Variants in PPP1R16A observed in about 807,000 individuals in gnomAD.
PPP1R16A encodes myosin phosphatase-targeting subunit 3.
PPP1R16A carries 39 observed loss-of-function variants against 46.6 expected under a neutral mutation model. The observed-to-expected ratio is 0.84, with a 90% CI of 0.65 to 1.09. The LOEUF is 1.09. Among genes scored for constraint, PPP1R16A ranks in the 50% least tolerant of loss-of-function variants. The probability of loss-of-function intolerance (pLI) is 0.00; values close to 1 mark genes in which losing one functional copy is unlikely to be tolerated. For synonymous variants in PPP1R16A, 413 were observed against 321.5 expected (o/e 1.28, Z -3.04); for missense variants, 798 against 735.6 (o/e 1.08, Z -0.98).
Position 144,500,366 on chromosome 8 carries a change from C to A in PPP1R16A, c.680C>A (p.Ala227Asp), listed in dbSNP as rs1335725094. The A allele has an allele frequency of 1.3e-6, 2 of 1,531,420 alleles. No homozygotes were observed. Among genetic ancestry groups the A allele is most frequent in the Admixed American group, 2.0e-5 (1 of 50,614 alleles). The allele number at this position is 1,531,420 out of a possible 1,614,324, so 94.9% of individuals were successfully genotyped here. A position where few individuals can be genotyped will look rare whatever the true frequency, so the allele number is the denominator to read the frequency against. ...SRLQAGADLH[A>D]PLDHGATLLH... ...CTGCAGGCCGGGGCAGACCTCCATG[C>A]CCCCCTGGACCACGGGGCCACGCTG... The change falls in exon 7 of 12, where the codon GCC becomes GAC. Residue 227 changes from alanine (A) to aspartate (D), a missense_variant. Coordinates refer to ENST00000435887, the MANE Select transcript of PPP1R16A (RefSeq NM_001329443.2).
chr8:144,500,811 G>A, intron 9 of PPP1R16A, 31 bp from the exon 10 acceptor site: 1 of 1,597,382 alleles, frequency 6.3e-7, no homozygotes, highest in African/African-American at 1.3e-5. Context: ...AGGCGGGGAG[G>A]GCGCCCCTGA....
rs189905671 is a variant in PPP1R16A at position 144,485,280 on chromosome 8, T to C, written c.-913-4754T>C. 2.7e-5 allele frequency among the ~76,000 whole-genome samples: 4 copies of C among 148,678 alleles called. No individual in the cohort carries two copies. In the East Asian group the frequency reaches 7.8e-4, roughly 29 times the overall value. On this transcript the variant is annotated intron_variant, in intron 1 of 11. Coordinates refer to ENST00000435887, the MANE Select transcript of PPP1R16A (RefSeq NM_001329443.2). ...GCTCATGCCTGTAATTCTAGCACTT[T>C]GGGAGGCCAAGGTGGGTGGATCACT...
intron 8 of PPP1R16A, 35 bp from the exon 9 acceptor site, chr8:144,500,651 C>T (rs767271817): frequency 6.2e-7 from 1 of 1,606,332 alleles, no homozygotes; most frequent in South Asian, 1.1e-5. Flanking sequence ...GGGCTTCCAG[C>T]GCAGCAGTCT....
chr8:144,499,977 A>C lies in PPP1R16A; in HGVS notation c.477-119A>C. ...CTGCCTCTCCCAGCAGCAGGTGGAC[A>C]GGGTGCCTCCTGAGGGGCAGCCCTG... On this transcript the variant is annotated intron_variant, in intron 5 of 11. Coordinates refer to ENST00000435887, the MANE Select transcript of PPP1R16A (RefSeq NM_001329443.2). 9 of 967,138 alleles carry C rather than the reference A, an allele frequency of 9.3e-6. No individual in the cohort carries two copies. The South Asian group carries it at 1.4e-4, about 15-fold the overall frequency. 59.9% of individuals were successfully genotyped at this position (967,138 alleles called of 1,614,324 possible). A position where few individuals can be genotyped will look rare whatever the true frequency, so the allele number is the denominator to read the frequency against.
chr8:144,492,239 C>T (rs2086362), intron 2 of PPP1R16A, among the ~76,000 whole-genome samples: 89,907 of 152,134 alleles, frequency 0.59, 29,215 homozygotes, highest in African/African-American at 0.86. Flanking sequence ...GGCTCACTTC[C>T]CTCTGGCTCC....
Position 144,496,934 on chromosome 8 carries a change from G to C in PPP1R16A, c.-261G>C. Reference sequence around the variant, plus strand: ...AGAGGGAGGCGAGGCGCTGCTTGTCGACAGCTAGAGGCTGGCCTGGGGAGC... The same window carrying C: ...AGAGGGAGGCGAGGCGCTGCTTGTCCACAGCTAGAGGCTGGCCTGGGGAGC... On this transcript the variant is annotated 5_prime_UTR_variant, in exon 3 of 12. Coordinates refer to ENST00000435887, the MANE Select transcript of PPP1R16A (RefSeq NM_001329443.2). The C allele has an allele frequency of 1.0e-5, 6 of 577,134 alleles. No homozygotes were observed. The South Asian group carries it at 1.2e-4, about 12-fold the overall frequency. The allele number at this position is 577,134 out of a possible 1,614,324, so 35.8% of individuals were successfully genotyped here.
intron 5 of PPP1R16A, chr8:144,499,281 C>G (rs1826270524): frequency 3.3e-6 from 2 of 606,098 alleles, no homozygotes; most frequent in South Asian, 2.6e-5. Flanking sequence ...AGCATTCGTC[C>G]TCCTGCCGAG....
At chr8:144,487,142 C>T (rs1482064000) in intron 1 of PPP1R16A, among the ~76,000 whole-genome samples, 1 of 151,974 alleles carries the variant, frequency 6.6e-6, no homozygotes, top group African/African-American at 2.4e-5. Context: ...TGTGTGGCAC[C>T]ACAACCGGCT....
In PPP1R16A at chr8:144,486,577, G is replaced by A. The variant is rs117578170; in HGVS notation, c.-913-3457G>A. 1.4e-3 allele frequency among the ~76,000 whole-genome samples: 208 copies of A among 152,278 alleles called. 2 individuals are homozygous for A. The East Asian group carries it at 0.037, about 27-fold the overall frequency. ...TTCGTGGGCAGCGGTATCTCGCTGT[G>A]GCTCTAATTTGCATTTTACGAATGG... On this transcript the variant is annotated intron_variant, in intron 1 of 11. Coordinates refer to ENST00000435887, the MANE Select transcript of PPP1R16A (RefSeq NM_001329443.2).
At chr8:144,488,687 G>T (rs973090813) in intron 1 of PPP1R16A, among the ~76,000 whole-genome samples, 2 of 152,148 alleles carry the variant, frequency 1.3e-5, no homozygotes, top group African/African-American at 4.8e-5. Flanking sequence ...GCAACGATGG[G>T]CGGGGGTGAA....
At position 144,497,131 on chromosome 8, in the gene PPP1R16A, A is replaced by T; in HGVS notation, c.-64A>T. On this transcript the variant is annotated 5_prime_UTR_variant, in exon 3 of 12. Transcript: ENST00000435887. ...GCTAGCTGCCCCACCCCTCAGGCCCAGCCTGGCCCCCAAGCTCCCCACTCT... is the reference window on the plus strand; with the variant it reads ...GCTAGCTGCCCCACCCCTCAGGCCCTGCCTGGCCCCCAAGCTCCCCACTCT... 6.5e-7 allele frequency: 1 copy of T among 1,534,690 alleles called. No homozygotes were observed. The highest frequency in any genetic ancestry group is 2.4e-5 in the East Asian group (1 of 40,838).
intron 2 of PPP1R16A, among the ~76,000 whole-genome samples, chr8:144,494,731 C>G (rs1825974123): frequency 6.6e-6 from 1 of 152,168 alleles, no homozygotes. Flanking sequence ...GGTGGGTTCT[C>G]TGGCAGGTCC....
chr8:144,487,500 G>A lies in PPP1R16A; in HGVS notation c.-913-2534G>A, dbSNP rs148290241. ...TCTTCCCACCTCAGCCTCCCAAGTA[G>A]CTGGAACTGCAGGGGTGCACCACCA... On this transcript the variant is annotated intron_variant, in intron 1 of 11. Transcript: ENST00000435887. 3.6e-3 allele frequency among the ~76,000 whole-genome samples: 545 copies of A among 152,274 alleles called. 2 individuals carry two copies. The highest frequency in any genetic ancestry group is 6.7e-3 in the African/African-American group (279 of 41,548).
Position 144,498,855 on chromosome 8 carries a change from G to A in PPP1R16A, c.330+15G>A. On this transcript the variant is annotated intron_variant, in intron 4 of 11. Transcript: ENST00000435887. ...CCCTGCACCAGGTCAGCCTGCACTG[G>A]GTGTGGGCAGGGTGGGGGCTGGCCC... 2 of 1,612,052 alleles carry A rather than the reference G, an allele frequency of 1.2e-6. No homozygotes were observed. The highest frequency in any genetic ancestry group is 1.7e-6 in the Non-Finnish European group (2 of 1,179,262).
chr8:144,491,865 G>A (rs528363104), intron 2 of PPP1R16A, among the ~76,000 whole-genome samples: 5 of 152,198 alleles, frequency 3.3e-5, no homozygotes, highest in South Asian at 2.1e-4. Flanking sequence ...TTGGGAGGTC[G>A]AGGCTACAGC....
intron 1 of PPP1R16A, among the ~76,000 whole-genome samples, chr8:144,484,158 C>T (rs759025136): frequency 6.6e-6 from 1 of 152,276 alleles, no homozygotes; most frequent in African/African-American, 2.4e-5. Context: ...GCCACTGGCA[C>T]GTCTGTCCGC....
rs1191570950 is a variant in PPP1R16A, at chr8:144,499,688, T to C, written c.477-408T>C. 16 of 218,510 alleles carry C rather than the reference T, an allele frequency of 7.3e-5. No individual in the cohort carries two copies. The East Asian group carries it at 1.8e-3, about 24-fold the overall frequency. The allele number at this position is 218,510 out of a possible 1,614,324, so 13.5% of individuals were successfully genotyped here. A position where few individuals can be genotyped will look rare whatever the true frequency, so the allele number is the denominator to read the frequency against. On this transcript the variant is annotated intron_variant, in intron 5 of 11. Transcript: ENST00000435887. The stretch of plus-strand genomic sequence containing the variant: ...TCCACTGCACACAGACACCCCCTTC[T>C]GTGTTCTGGGCTCCCCTTCACCGCC...
At chr8:144,494,390 G>T (rs1466006717) in intron 2 of PPP1R16A, among the ~76,000 whole-genome samples, 1 of 152,046 alleles carries the variant, frequency 6.6e-6, no homozygotes, top group Non-Finnish European at 1.5e-5. Flanking sequence ...TCAGCTCGCT[G>T]CAGCCTCTAC....
At chr8:144,481,129 A>T (rs1172520350) in intron 1 of PPP1R16A, among the ~76,000 whole-genome samples, 1 of 150,196 alleles carries the variant, frequency 6.7e-6, no homozygotes, top group Non-Finnish European at 1.5e-5. Flanking sequence ...TGACCTCGTG[A>T]TCCGCCCGCC....
Sources: gnomAD v4.1 joint callset for allele counts (sites outside exome capture counted in the v4.1 genomes callset) on GRCh38, gnomAD v4.1.1 for gene constraint, MANE v1.5 for transcripts, NCBI Gene and HGNC (gene_info 2026-07-23, HGNC 2026-07-21) for gene names.